ARHGEF12: variants seen among roughly 807,000 people sequenced by gnomAD.
ARHGEF12 encodes the protein Rho guanine nucleotide exchange factor 12, also known as KMT2A/ARHGEF12 fusion protein.
Under a neutral mutation model 211.2 loss-of-function variants are expected in ARHGEF12, and 66 were observed. That is an observed-to-expected ratio of 0.31 (90% CI 0.26 to 0.38). The LOEUF (loss-of-function observed/expected upper bound fraction) is 0.38. ARHGEF12 is among the 10% of genes least tolerant of loss of function. The pLI, the probability that ARHGEF12 is intolerant of heterozygous loss-of-function variation, is 1.00. For missense variants in ARHGEF12, 1,429 were observed against 1,869.5 expected, an observed-to-expected ratio of 0.76 and a Z score of 4.34; for synonymous variants, 592 against 638.4, an observed-to-expected ratio of 0.93 and a Z score of 1.09.
chr11:120,484,423 G>A lies in ARHGEF12; in HGVS notation c.4555-15G>A, dbSNP rs747992724. ...ATTACGTTTGAATAAAAAACCTATG[G>A]GTTTTATTTCACAGAAGGTGGAGGA... is the stretch of plus-strand genomic sequence containing the variant. On this transcript the variant is annotated splice_polypyrimidine_tract_variant and intron_variant, in intron 39 of 40. Transcript: ENST00000397843. 1.2e-5 allele frequency: 19 copies of A among 1,610,902 alleles called. No individual in the cohort carries two copies. Among genetic ancestry groups the A allele is most frequent in the Non-Finnish European group, 1.6e-5 (19 of 1,178,410 alleles).
intron 1 of ARHGEF12, among the ~76,000 whole-genome samples, chr11:120,378,146 A>T (rs1943782335): frequency 6.6e-6 from 1 of 152,132 alleles, no homozygotes; most frequent in African/African-American, 2.4e-5. Flanking sequence ...AATGTCGAAG[A>T]GTTTTACTTG....
intron 1 of ARHGEF12, among the ~76,000 whole-genome samples, chr11:120,347,266 CTGTCTGTGTGTGTGTGTGTGTGTGTG>C (rs1202254870): frequency 2.2e-5 from 3 of 133,596 alleles, no homozygotes; most frequent in South Asian, 2.5e-4. Context: ...CTCTCTCTCT[CTGTCTGTGTGTGTGTGTGTGTGTGTG>C]TGTGTGTGTG....
At chr11:120,423,132 A>G (rs775092206) in intron 6 of ARHGEF12, among the ~76,000 whole-genome samples, 14 of 152,188 alleles carry the variant, frequency 9.2e-5, no homozygotes, top group Non-Finnish European at 1.9e-4. Context: ...AGTAACTGAA[A>G]TACATAACAT....
At chr11:120,474,492 A>G in intron 31 of ARHGEF12, 68 bp from the exon 32 acceptor site, 1 of 1,080,570 alleles carries the variant, frequency 9.3e-7, no homozygotes, top group East Asian at 2.4e-5. Flanking sequence ...AAGAGACTGT[A>G]TTATATAGAT....
intron 4 of ARHGEF12, among the ~76,000 whole-genome samples, chr11:120,414,927 T>A (rs12281329): frequency 0.013 from 1,979 of 152,326 alleles, 51 homozygotes; most frequent in African/African-American, 0.046. Context: ...TAACTTTTTA[T>A]ACCAGTCTCA....
chr11:120,420,799 T>C lies in ARHGEF12; in HGVS notation c.246T>C (p.Phe82=). 1 of 1,614,156 alleles carries C rather than the reference T, an allele frequency of 6.2e-7. No homozygotes were observed. Among genetic ancestry groups the C allele is most frequent in the Non-Finnish European group, 8.5e-7 (1 of 1,180,008 alleles). The change falls in exon 5 of 41, where the codon TTT becomes TTC. Residue 82 remains phenylalanine, a synonymous_variant. Transcript: ENST00000397843. The part of the protein sequence containing the change: ...CVIIQKDDNG[F]GLTVSGDNPV... ...TCATCCAGAAAGATGACAATGGATT[T>C]GGGCTGACGGTCAGTGGAGACAATC...
intron 1 of ARHGEF12, among the ~76,000 whole-genome samples, chr11:120,386,306 T>C (rs1944027258): frequency 6.6e-6 from 1 of 152,176 alleles, no homozygotes; most frequent in Non-Finnish European, 1.5e-5. Context: ...CTCTTGAAAG[T>C]ATTTTTCATA....
chr11:120,385,430 C>G (rs1944000826), intron 1 of ARHGEF12: 16 of 985,188 alleles, frequency 1.6e-5, no homozygotes, highest in Non-Finnish European at 1.9e-5. Context: ...TTCTTCTACT[C>G]CATGGAAACG....
At position 120,397,257 on chromosome 11, in the gene ARHGEF12, T is replaced by C. The variant is rs146628309; in HGVS notation, c.33-8861T>C. ...TACCCTGGCCCTTTGTCTTACAAGG[T>C]CTGTTGCCAAAACAAGCTTCTTCAG... On this transcript the variant is annotated intron_variant, in intron 1 of 40. Transcript: ENST00000397843. Among the ~76,000 whole-genome samples the C allele has an allele frequency of 6.6e-5, 10 of 152,332 alleles. No homozygotes were observed. In the East Asian group the frequency reaches 1.9e-3, roughly 29 times the overall value.
chr11:120,437,727 A>G lies in ARHGEF12; in HGVS notation c.999+345A>G, dbSNP rs1316665750. Among the ~76,000 whole-genome samples the G allele has an allele frequency of 2.6e-5, 4 of 152,278 alleles. No homozygotes were observed. In the East Asian group the frequency reaches 7.7e-4, roughly 29 times the overall value. On this transcript the variant is annotated intron_variant, in intron 12 of 40. Coordinates refer to ENST00000397843, the MANE Select transcript of ARHGEF12 (RefSeq NM_015313.3). ...TTGGTACCCGGTAAACACTAAGTCT[A>G]CATTTCCCCCTTCCCCCTAGCCCCT...
At chr11:120,409,326 T>A (rs1944812896) in intron 3 of ARHGEF12, 68 bp from the exon 4 acceptor site, 1 of 1,505,470 alleles carries the variant, frequency 6.6e-7, no homozygotes, top group African/African-American at 1.4e-5. Context: ...TTTTTCCCCA[T>A]GAATTTTTCC....
chr11:120,444,901 C>G (rs1945998780), intron 15 of ARHGEF12, among the ~76,000 whole-genome samples: 1 of 152,112 alleles, frequency 6.6e-6, no homozygotes, highest in Non-Finnish European at 1.5e-5. Flanking sequence ...CATTGACATT[C>G]AATATTTTCT....
At chr11:120,413,444 T>A (rs1443341473) in intron 4 of ARHGEF12, among the ~76,000 whole-genome samples, 2 of 152,208 alleles carry the variant, frequency 1.3e-5, no homozygotes, top group African/African-American at 4.8e-5. Flanking sequence ...AATGAATGAT[T>A]GTTGAGATTG....
At chr11:120,355,730 C>G (rs566271993) in intron 1 of ARHGEF12, among the ~76,000 whole-genome samples, 1 of 152,204 alleles carries the variant, frequency 6.6e-6, no homozygotes, top group South Asian at 2.1e-4. Context: ...AATAAAAAAA[C>G]CCAGATCTTT....
chr11:120,383,414 T>C (rs548412001), intron 1 of ARHGEF12, among the ~76,000 whole-genome samples: 1 of 152,294 alleles, frequency 6.6e-6, no homozygotes, highest in South Asian at 2.1e-4. Flanking sequence ...CTTATTTTCA[T>C]TATTATTACA....
In ARHGEF12 at chr11:120,428,174, C is replaced by G. The variant is rs758026510; in HGVS notation, c.512C>G (p.Pro171Arg). 2 of 1,611,672 alleles carry G rather than the reference C, an allele frequency of 1.2e-6. No homozygotes were observed. Among genetic ancestry groups the G allele is most frequent in the Admixed American group, 3.4e-5 (2 of 59,636 alleles). ...CCGTCAGTCATTGGACATATGTCTC[C>G]CATCATGACATCTCCTCATTCACCT... ...VEPSVIGHMS[P>R]IMTSPHSPGA... Residue 171 changes from proline to arginine, a missense_variant, in exon 8 of 41, where the codon CCC becomes CGC. This residue lies in a region of ARHGEF12 where 254 missense variants were observed against 286.4 expected (regional missense o/e 0.89). Coordinates refer to ENST00000397843, the MANE Select transcript of ARHGEF12 (RefSeq NM_015313.3).
At chr11:120,476,998 A>G (rs1302781499) in intron 34 of ARHGEF12, 3 of 597,270 alleles carry the variant, frequency 5.0e-6, no homozygotes, top group Non-Finnish European at 8.7e-6. Context: ...TAATGTGTCC[A>G]TAGATTTCTC....
chr11:120,428,078 A>C lies in ARHGEF12; in HGVS notation c.416A>C (p.Tyr139Ser), dbSNP rs1168999952. Residue 139 changes from tyrosine (Y) to serine (S), a missense_variant, in exon 8 of 41, where the codon TAT (tyrosine) becomes TCT (serine). This residue lies in a region of ARHGEF12 where 254 missense variants were observed against 286.4 expected (regional missense o/e 0.89). Transcript: ENST00000397843. ...GTCTCCCCACCCCAAGCTGGTTCCT[A>C]TGTAGCTCTCACTGTTCAGGGACGC... ...EVVKLIKSGS[Y>S]VALTVQGRPP... 1.3e-5 allele frequency: 21 copies of C among 1,587,286 alleles called. No homozygotes were observed. The highest frequency in any genetic ancestry group is 1.8e-5 in the Non-Finnish European group (21 of 1,167,708).
chr11:120,378,449 A>G (rs1250403132), intron 1 of ARHGEF12, among the ~76,000 whole-genome samples: 1 of 152,162 alleles, frequency 6.6e-6, no homozygotes, highest in Non-Finnish European at 1.5e-5. Flanking sequence ...TATTTCCTTA[A>G]CAATGTCTTT....
Sources: gnomAD v4.1 joint callset for allele counts (sites outside exome capture counted in the v4.1 genomes callset) on GRCh38, gnomAD v4.1.1 for gene constraint, gnomAD v4.1.1 regional missense constraint, MANE v1.5 for transcripts, NCBI Gene and HGNC (gene_info 2026-07-23, HGNC 2026-07-21) for gene names.